The following CADM2 variants were observed in gnomAD, a reference collection of about 807,000 sequenced individuals.
The protein encoded by CADM2 is immunoglobulin superfamily member 4D.
In CADM2, 12 loss-of-function variants were observed where a neutral mutation model predicts 49.8. The observed-to-expected ratio is 0.24, with a 90% CI of 0.15 to 0.39. CADM2 has a LOEUF of 0.39. CADM2 is among the 10% of genes least tolerant of loss of function. CADM2 has a pLI of 1.00. For synonymous variants in CADM2, 214 were observed against 175.4 expected, an observed-to-expected ratio of 1.22 and a Z score of -1.74; for missense variants, 378 against 492.3, an observed-to-expected ratio of 0.77 and a Z score of 2.20.
chr3:85,826,227 G>A (rs1044551170), intron 3 of CADM2, among the ~76,000 whole-genome samples: 5 of 151,802 alleles, frequency 3.3e-5, no homozygotes, highest in Admixed American at 2.0e-4. Context: ...AGCATTCTGC[G>A]ATACCAATGA....
intron 1 of CADM2, among the ~76,000 whole-genome samples, chr3:85,160,363 A>C (rs1313291451): frequency 1.3e-5 from 2 of 152,128 alleles, no homozygotes; most frequent in African/African-American, 2.4e-5. Flanking sequence ...AGTAAGGATC[A>C]AATTTGATTT....
chr3:85,597,896 A>T (rs1163448714), intron 1 of CADM2, among the ~76,000 whole-genome samples: 1 of 152,084 alleles, frequency 6.6e-6, no homozygotes, highest in Non-Finnish European at 1.5e-5. Flanking sequence ...TTTTAGTTAT[A>T]TATTTTGGAA....
intron 1 of CADM2, among the ~76,000 whole-genome samples, chr3:85,168,566 G>A (rs542488355): frequency 1.3e-5 from 2 of 151,956 alleles, no homozygotes. Flanking sequence ...CATTTTTATT[G>A]TATTAGTCAA....
intron 8 of CADM2, among the ~76,000 whole-genome samples, chr3:86,042,770 CA>C (rs1736120097): frequency 6.6e-6 from 1 of 152,052 alleles, no homozygotes; most frequent in Admixed American, 6.6e-5. Flanking sequence ...GGCAAAGACA[CA>C]ACAAAAAATG....
chr3:85,683,585 G>A (rs1291020642), intron 1 of CADM2, among the ~76,000 whole-genome samples: 4 of 152,126 alleles, frequency 2.6e-5, no homozygotes, highest in Non-Finnish European at 2.9e-5. Context: ...TTCCAAATGT[G>A]ACTGGTTTAT....
chr3:85,022,766 A>G (rs1317616140), intron 1 of CADM2, among the ~76,000 whole-genome samples: 2 of 152,150 alleles, frequency 1.3e-5, no homozygotes, highest in South Asian at 2.1e-4. Flanking sequence ...TCTACATTAT[A>G]TAATAGAGAC....
chr3:85,930,462 C>T (rs926448758), intron 6 of CADM2, among the ~76,000 whole-genome samples: 1 of 152,044 alleles, frequency 6.6e-6, no homozygotes, highest in Admixed American at 6.6e-5. Flanking sequence ...AGTCCAATTA[C>T]CTTCTGTAAC....
At chr3:85,688,542 T>C (rs1247354295) in intron 1 of CADM2, among the ~76,000 whole-genome samples, 4 of 150,488 alleles carry the variant, frequency 2.7e-5, no homozygotes, top group Non-Finnish European at 5.9e-5. Flanking sequence ...TGGTGATAAA[T>C]TTGGCAGTTT....
intron 1 of CADM2, among the ~76,000 whole-genome samples, chr3:85,585,831 C>A (rs766431118): frequency 4.6e-5 from 7 of 151,886 alleles, no homozygotes; most frequent in Non-Finnish European, 7.4e-5. Context: ...GCCCTATGAT[C>A]TTATAATACA....
At chr3:85,662,289 T>A (rs1038546535) in intron 1 of CADM2, among the ~76,000 whole-genome samples, 7 of 151,448 alleles carry the variant, frequency 4.6e-5, no homozygotes, top group Non-Finnish European at 7.4e-5. Flanking sequence ...GCCAGCAATG[T>A]GGTAAAAAAT....
chr3:85,589,360 G>A (rs1243723200), intron 1 of CADM2, among the ~76,000 whole-genome samples: 1 of 151,976 alleles, frequency 6.6e-6, no homozygotes, highest in Non-Finnish European at 1.5e-5. Context: ...TTTCATTCCA[G>A]AGAGAAGTCG....
chr3:85,287,811 G>C (rs1268171589), intron 1 of CADM2, among the ~76,000 whole-genome samples: 1 of 151,970 alleles, frequency 6.6e-6, no homozygotes, highest in Non-Finnish European at 1.5e-5. Flanking sequence ...GAGTCAATCA[G>C]TTGTAGCTTT....
chr3:85,357,120 C>T (rs1419526944), intron 1 of CADM2, among the ~76,000 whole-genome samples: 50 of 152,044 alleles, frequency 3.3e-4, no homozygotes, highest in Admixed American at 3.3e-3. Context: ...TATATCCAAA[C>T]TTCAACATAT....
chr3:85,553,907 A>C (rs1039847305), intron 1 of CADM2, among the ~76,000 whole-genome samples: 1 of 152,244 alleles, frequency 6.6e-6, no homozygotes, highest in Non-Finnish European at 1.5e-5. Flanking sequence ...TGTTTGAATC[A>C]GAAAAGCTCC....
At chr3:85,474,842 A>C (rs1039139877) in intron 1 of CADM2, among the ~76,000 whole-genome samples, 1 of 151,898 alleles carries the variant, frequency 6.6e-6, no homozygotes, top group African/African-American at 2.4e-5. Context: ...CAGAGCTTAT[A>C]TGTGCCATGG....
rs879451531 is a variant in CADM2, at chr3:85,663,619, C to T, written c.62-62903C>T. Among the ~76,000 whole-genome samples the T allele has an allele frequency of 3.9e-4, 59 of 152,024 alleles. 1 individual carries two copies. Among genetic ancestry groups the T allele is most frequent in the Non-Finnish European group, 1.5e-4 (10 of 67,954 alleles). On this transcript the variant is annotated intron_variant, in intron 1 of 9. Coordinates refer to ENST00000383699, the MANE Select transcript of CADM2 (RefSeq NM_001167675.2). ...CAACTCCTTCAATTTTGTATGGACCCCACCTTCTGTCACATGGGACTGCTG... is the reference window on the plus strand; with the variant it reads ...CAACTCCTTCAATTTTGTATGGACCTCACCTTCTGTCACATGGGACTGCTG...
intron 2 of CADM2, among the ~76,000 whole-genome samples, chr3:85,729,580 A>T (rs952342940): frequency 5.3e-5 from 8 of 152,186 alleles, no homozygotes; most frequent in Non-Finnish European, 8.8e-5. Context: ...TAAATTTTGT[A>T]TGTAGATTTA....
At chr3:85,282,588 C>A (rs778771979) in intron 1 of CADM2, among the ~76,000 whole-genome samples, 27 of 151,626 alleles carry the variant, frequency 1.8e-4, no homozygotes, top group Middle Eastern at 3.2e-3. Flanking sequence ...TATATTTTTA[C>A]CTTTAAACTG....
intron 1 of CADM2, among the ~76,000 whole-genome samples, chr3:85,450,042 T>C (rs2037682977): frequency 6.6e-6 from 1 of 152,150 alleles, no homozygotes; most frequent in East Asian, 1.9e-4. Context: ...AGAACAAGAC[T>C]GCAAAGTTGT....
Sources: gnomAD v4.1 joint callset for allele counts (sites outside exome capture counted in the v4.1 genomes callset) on GRCh38, gnomAD v4.1.1 for gene constraint, MANE v1.5 for transcripts, NCBI Gene and HGNC (gene_info 2026-07-23, HGNC 2026-07-21) for gene names.